Variants in ADAMTS6 observed in about 807,000 individuals in gnomAD.
ADAMTS6 encodes the protein ADAM metallopeptidase with thrombospondin type 1 motif 6.
A neutral mutation model predicts 144.3 loss-of-function variants in ADAMTS6; 23 were observed. The ratio of observed to expected loss-of-function variants is 0.16; its 90% CI spans 0.11 to 0.23. The LOEUF is 0.23. Among genes scored for constraint, ADAMTS6 ranks in the 10% least tolerant of loss-of-function variants. The pLI, the probability that ADAMTS6 is intolerant of heterozygous loss-of-function variation, is 1.00. For missense variants in ADAMTS6, 999 were observed against 1,379.6 expected (o/e 0.72, Z 4.37); for synonymous variants, 444 against 457.5 (o/e 0.97, Z 0.38).
chr5:65,175,261 G>GGAGA lies in ADAMTS6; in HGVS notation c.2911-2257_2911-2254dup, dbSNP rs372773284. Among the ~76,000 whole-genome samples the GGAGA allele has an allele frequency of 2.1e-3, 314 of 148,454 alleles. 3 individuals carry two copies. The highest frequency in any genetic ancestry group is 7.2e-3 in the African/African-American group (293 of 40,422). On this transcript the variant is annotated intron_variant, in intron 22 of 24. Coordinates refer to ENST00000381055, the MANE Select transcript of ADAMTS6 (RefSeq NM_197941.4). ...GACAGAGAGACAAAGAGGGAGTCAAGGAGAGAGAGAGAGAGAGAGAAAGAG... is the reference window on the plus strand; with the variant it reads ...GACAGAGAGACAAAGAGGGAGTCAAGGAGAGAGAGAGAGAGAGAGAGAGAAAGAG...
At chr5:65,152,318 G>A (rs1463729908) in intron 24 of ADAMTS6, among the ~76,000 whole-genome samples, 1 of 152,114 alleles carries the variant, frequency 6.6e-6, no homozygotes, top group Non-Finnish European at 1.5e-5. Context: ...TTTCTCAAGG[G>A]TTATTTTATT....
At chr5:65,227,704 G>T (rs1757832528) in intron 15 of ADAMTS6, among the ~76,000 whole-genome samples, 1 of 152,162 alleles carries the variant, frequency 6.6e-6, no homozygotes, top group Non-Finnish European at 1.5e-5. Flanking sequence ...TATAGGAGAT[G>T]ACTGCTACAG....
chr5:65,346,011 G>A (rs1454000301), intron 7 of ADAMTS6, among the ~76,000 whole-genome samples: 1 of 151,778 alleles, frequency 6.6e-6, no homozygotes, highest in Non-Finnish European at 1.5e-5. Flanking sequence ...TAATAATCTA[G>A]CTTAAATTTA....
At chr5:65,237,218 A>G (rs1580146780) in intron 15 of ADAMTS6, among the ~76,000 whole-genome samples, 1 of 151,914 alleles carries the variant, frequency 6.6e-6, no homozygotes, top group East Asian at 1.9e-4. Context: ...ACATAGGAAG[A>G]TGTAGTCTCT....
At chr5:65,336,409 G>C (rs904480962) in intron 7 of ADAMTS6, among the ~76,000 whole-genome samples, 2 of 152,024 alleles carry the variant, frequency 1.3e-5, no homozygotes, top group African/African-American at 2.4e-5. Flanking sequence ...TGGTGCTCCA[G>C]ATCTGTAGAT....
chr5:65,465,852 C>G (rs1466937715), intron 3 of ADAMTS6, among the ~76,000 whole-genome samples: 4 of 152,202 alleles, frequency 2.6e-5, no homozygotes, highest in African/African-American at 9.6e-5. Flanking sequence ...CTTGGAATGC[C>G]CAAGGGCTCA....
chr5:65,454,799 C>A (rs1319056960), intron 4 of ADAMTS6, among the ~76,000 whole-genome samples: 1 of 152,192 alleles, frequency 6.6e-6, no homozygotes, highest in Non-Finnish European at 1.5e-5. Context: ...GAACTGAATG[C>A]TGCCACAACT....
At chr5:65,338,871 C>T (rs564592367) in intron 7 of ADAMTS6, among the ~76,000 whole-genome samples, 3 of 152,196 alleles carry the variant, frequency 2.0e-5, no homozygotes, top group African/African-American at 4.8e-5. Flanking sequence ...AGACTTGCCA[C>T]CAAGCCAGCT....
At chr5:65,363,966 A>G (rs538567845) in intron 7 of ADAMTS6, among the ~76,000 whole-genome samples, 2 of 152,376 alleles carry the variant, frequency 1.3e-5, no homozygotes, top group African/African-American at 4.8e-5. Context: ...GATCTAAGCC[A>G]TAACTTAAAA....
At chr5:65,228,228 C>A (rs1207915275) in intron 15 of ADAMTS6, among the ~76,000 whole-genome samples, 3 of 143,414 alleles carry the variant, frequency 2.1e-5, no homozygotes, top group African/African-American at 8.5e-5. Context: ...TTTAATATAG[C>A]ATTTTGTGCA....
chr5:65,204,841 G>A (rs982651682), intron 20 of ADAMTS6, among the ~76,000 whole-genome samples: 25 of 151,964 alleles, frequency 1.6e-4, no homozygotes, highest in African/African-American at 5.6e-4. Context: ...AAAAATAATA[G>A]TACATTGTAC....
chr5:65,454,893 C>A (rs1019947973), intron 4 of ADAMTS6, among the ~76,000 whole-genome samples: 5 of 152,222 alleles, frequency 3.3e-5, no homozygotes, highest in African/African-American at 1.2e-4. Context: ...GATGACCCAT[C>A]CATGCACAGA....
At chr5:65,249,698 C>T (rs182414420) in intron 14 of ADAMTS6, among the ~76,000 whole-genome samples, 1 of 152,152 alleles carries the variant, frequency 6.6e-6, no homozygotes, top group East Asian at 1.9e-4. Flanking sequence ...ACTGGTAACT[C>T]GCATACCTTC....
intron 7 of ADAMTS6, among the ~76,000 whole-genome samples, chr5:65,408,291 G>A (rs1227850350): frequency 6.6e-6 from 1 of 152,068 alleles, no homozygotes; most frequent in Non-Finnish European, 1.5e-5. Context: ...TCAAAATAAA[G>A]GGATGGAGGA....
intron 7 of ADAMTS6, among the ~76,000 whole-genome samples, chr5:65,430,032 T>G (rs1756866361): frequency 6.6e-6 from 1 of 152,094 alleles, no homozygotes; most frequent in African/African-American, 2.4e-5. Flanking sequence ...TCCAATAACA[T>G]TTTTATCATT....
Position 65,247,349 on chromosome 5 carries a change from TA to T in ADAMTS6, c.1831-5144del, listed in dbSNP as rs148778087. ...AATACTTTGTACTGGTAGACAAATCTAAAAAAAGGAATAATTCATTGAGGCC... is the reference window on the plus strand; with the variant it reads ...AATACTTTGTACTGGTAGACAAATCTAAAAAAGGAATAATTCATTGAGGCC... On this transcript the variant is annotated intron_variant, in intron 14 of 24. Coordinates refer to ENST00000381055, the MANE Select transcript of ADAMTS6 (RefSeq NM_197941.4). Among the ~76,000 whole-genome samples, 1,419 of 152,230 alleles carry T rather than the reference TA, an allele frequency of 9.3e-3. 17 individuals carry two copies. The highest frequency in any genetic ancestry group is 0.034 in the Middle Eastern group (10 of 294).
At position 65,214,394 on chromosome 5, in the gene ADAMTS6, A is replaced by G. The variant is rs1189917343; in HGVS notation, c.2575+400T>C. On this transcript the variant is annotated intron_variant, in intron 20 of 24. Coordinates refer to ENST00000381055, the MANE Select transcript of ADAMTS6 (RefSeq NM_197941.4). The surrounding 1 kb of genome is among the most constrained non-coding windows in gnomAD (Gnocchi z 4.6). ...CACAGGCACACAAACACACACAACA[A>G]GCACACAGCCGTACATTCTCATCTC... 2.9e-6 allele frequency: 1 copy of G among 342,630 alleles called. No homozygotes were observed. The highest frequency in any genetic ancestry group is 5.7e-6 in the Non-Finnish European group (1 of 176,388). 21.2% of individuals were successfully genotyped at this position (342,630 alleles called of 1,614,324 possible).
rs903484330 is a variant in ADAMTS6 at position 65,214,851 on chromosome 5, C to T, written c.2518G>A (p.Val840Ile). Residue 840 changes from valine to isoleucine, a missense_variant, in exon 20 of 25, where the codon GTT becomes ATT. Transcript: ENST00000381055. The surrounding 1 kb of genome is among the most constrained non-coding windows in gnomAD (Gnocchi z 4.6). ...GGCTGATGATTCCATGTAAAGCCAACTTCATTATCTCCACTGCCAGTTCGA... is the reference window on the plus strand; with the variant it reads ...GGCTGATGATTCCATGTAAAGCCAATTTCATTATCTCCACTGCCAGTTCGA... ...ITRTGSGDNE[V>I]GFTWNHQPWS... The T allele has an allele frequency of 6.2e-7, 1 of 1,614,020 alleles. No individual in the cohort carries two copies. The highest frequency in any genetic ancestry group is 8.5e-7 in the Non-Finnish European group (1 of 1,180,012).
chr5:65,216,091 A>G (rs1756897600), intron 18 of ADAMTS6, among the ~76,000 whole-genome samples: 1 of 149,488 alleles, frequency 6.7e-6, no homozygotes, highest in Non-Finnish European at 1.5e-5. Flanking sequence ...CTAGGCACAT[A>G]TCCAAAAGAA....
Sources: allele counts gnomAD v4.1 joint callset (sites outside exome capture counted in the v4.1 genomes callset), GRCh38; gene constraint gnomAD v4.1.1; non-coding constraint Gnocchi (gnomAD v3.1); transcripts MANE v1.5; gene names NCBI Gene and HGNC (gene_info 2026-07-23, HGNC 2026-07-21).